The following FAF1 variants were observed in gnomAD, a reference collection of about 807,000 sequenced individuals.
FAF1 encodes FAS-associated factor 1.
A neutral mutation model predicts 92.5 loss-of-function variants in FAF1; 25 were observed. That is an observed-to-expected ratio of 0.27 (90% confidence interval 0.20 to 0.38). FAF1 has a LOEUF of 0.38. Among genes scored for constraint, FAF1 ranks in the 10% least tolerant of loss-of-function variants. The probability of loss-of-function intolerance (pLI) is 1.00; values close to 1 mark genes in which losing one functional copy is unlikely to be tolerated. For synonymous variants in FAF1, 234 were observed against 273.2 expected (o/e 0.86, Z 1.42); for missense variants, 636 against 793.3 (o/e 0.80, Z 2.38).
intron 8 of FAF1, among the ~76,000 whole-genome samples, chr1:50,619,640 T>A (rs1369267224): frequency 6.6e-6 from 1 of 152,176 alleles, no homozygotes; most frequent in Non-Finnish European, 1.5e-5. Context: ...TCTCTCTGTA[T>A]ATGACTTGAC....
intron 1 of FAF1, among the ~76,000 whole-genome samples, chr1:50,945,606 G>T (rs938196025): frequency 2.6e-5 from 4 of 152,158 alleles, no homozygotes; most frequent in Non-Finnish European, 4.4e-5. Flanking sequence ...ATTCCAGTGG[G>T]CTTCATCAGA....
At chr1:50,816,809 T>C (rs1643981829) in intron 2 of FAF1, among the ~76,000 whole-genome samples, 1 of 152,230 alleles carries the variant, frequency 6.6e-6, no homozygotes, top group African/African-American at 2.4e-5. Flanking sequence ...TTCTTATAGT[T>C]TGGGGTCTTA....
At chr1:50,620,418 G>T (rs1373484013) in intron 8 of FAF1, among the ~76,000 whole-genome samples, 1 of 152,102 alleles carries the variant, frequency 6.6e-6, no homozygotes, top group Non-Finnish European at 1.5e-5. Flanking sequence ...AATTCAGTTT[G>T]GTTCTTTCTT....
intron 8 of FAF1, among the ~76,000 whole-genome samples, chr1:50,655,115 G>A (rs148722322): frequency 2.6e-4 from 40 of 151,528 alleles, no homozygotes; most frequent in African/African-American, 9.2e-4. Flanking sequence ...GATTAGAGGC[G>A]GCCGCCAAGT....
At chr1:50,800,926 G>C (rs1661966326) in intron 3 of FAF1, among the ~76,000 whole-genome samples, 1 of 152,134 alleles carries the variant, frequency 6.6e-6, no homozygotes, top group East Asian at 1.9e-4. Context: ...CACTTGGAAG[G>C]GAGAATGGTT....
chr1:50,909,518 G>A (rs1471213558), intron 1 of FAF1, among the ~76,000 whole-genome samples: 1 of 152,186 alleles, frequency 6.6e-6, no homozygotes, highest in African/African-American at 2.4e-5. Flanking sequence ...ACACCAATCA[G>A]ATGCAGATTT....
intron 7 of FAF1, among the ~76,000 whole-genome samples, chr1:50,674,178 C>T (rs1656018047): frequency 1.3e-5 from 2 of 152,290 alleles, no homozygotes; most frequent in South Asian, 4.1e-4. Context: ...GTCTCGAACT[C>T]CTGACCTCCT....
chr1:50,768,033 A>T (rs1221530710), intron 4 of FAF1, among the ~76,000 whole-genome samples: 2 of 152,234 alleles, frequency 1.3e-5, no homozygotes, highest in Non-Finnish European at 2.9e-5. Context: ...ACCCAACTGT[A>T]TGCTGCCAAA....
intron 13 of FAF1, among the ~76,000 whole-genome samples, chr1:50,550,104 C>A (rs1051160487): frequency 2.6e-5 from 4 of 152,014 alleles, no homozygotes; most frequent in Non-Finnish European, 5.9e-5. Context: ...GTAATCCCAG[C>A]ACTTTGGGAG....
intron 18 of FAF1, among the ~76,000 whole-genome samples, chr1:50,466,946 A>G (rs1646504266): frequency 6.6e-6 from 1 of 152,152 alleles, no homozygotes; most frequent in Non-Finnish European, 1.5e-5. Context: ...AAAAAATCCT[A>G]TCTATCTCAG....
At chr1:50,522,296 TGTAA>T (rs1036081094) in intron 15 of FAF1, among the ~76,000 whole-genome samples, 7 of 152,228 alleles carry the variant, frequency 4.6e-5, no homozygotes, top group East Asian at 1.9e-4. Flanking sequence ...ATCAAAAGCC[TGTAA>T]GTGTGTATTC....
At chr1:50,918,386 C>A (rs866356170) in intron 1 of FAF1, among the ~76,000 whole-genome samples, 1,084 of 93,620 alleles carry the variant, frequency 0.012, 28 homozygotes, top group African/African-American at 0.045. Context: ...TATTCCCCTT[C>A]CTGTGTCCAT....
chr1:50,548,746 C>A lies in FAF1; in HGVS notation c.1269-9018G>T, dbSNP rs1343743923. 2.6e-5 allele frequency among the ~76,000 whole-genome samples: 4 copies of A among 152,256 alleles called. No homozygotes were observed. In the East Asian group the frequency reaches 7.7e-4, roughly 29 times the overall value. Reference sequence around the variant, plus strand: ...CACCACCCACTGACTGAAAATGTGACTTAGAAAAGGTATAAAATATCCAAA... The same window carrying A: ...CACCACCCACTGACTGAAAATGTGAATTAGAAAAGGTATAAAATATCCAAA... On this transcript the variant is annotated intron_variant, in intron 13 of 18. Coordinates refer to ENST00000396153, the MANE Select transcript of FAF1 (RefSeq NM_007051.3).
chr1:50,711,922 T>A (rs1486130791), intron 6 of FAF1, among the ~76,000 whole-genome samples: 2 of 152,196 alleles, frequency 1.3e-5, no homozygotes, highest in East Asian at 1.9e-4. Flanking sequence ...TGACTAACAC[T>A]TAACAAGCGC....
At chr1:50,566,790 A>C (rs867214496) in intron 13 of FAF1, among the ~76,000 whole-genome samples, 1 of 152,180 alleles carries the variant, frequency 6.6e-6, no homozygotes, top group South Asian at 2.1e-4. Flanking sequence ...GGTTTCTCTA[A>C]AAGTTCAAAA....
intron 18 of FAF1, among the ~76,000 whole-genome samples, chr1:50,455,633 G>A (rs923795415): frequency 5.3e-5 from 8 of 152,060 alleles, no homozygotes; most frequent in Non-Finnish European, 1.2e-4. Context: ...TATCAGAGCT[G>A]AAAGAAAATT....
At chr1:50,462,063 A>G (rs1337460632) in intron 18 of FAF1, 1 of 148,084 alleles carries the variant, frequency 6.8e-6, no homozygotes, top group African/African-American at 2.5e-5. Flanking sequence ...ATAACATATC[A>G]ATATTTTATA....
At chr1:50,890,661 C>A (rs1320555449) in intron 1 of FAF1, among the ~76,000 whole-genome samples, 1 of 152,148 alleles carries the variant, frequency 6.6e-6, no homozygotes, top group Non-Finnish European at 1.5e-5. Context: ...GTTGAAAATT[C>A]TTTTCTTTGA....
At chr1:50,779,991 G>C (rs75545886) in intron 4 of FAF1, among the ~76,000 whole-genome samples, 2,376 of 145,492 alleles carry the variant, frequency 0.016, 44 homozygotes, top group African/African-American at 0.048. Context: ...CAGACAGACA[G>C]ACACACACAC....
Sources: gnomAD v4.1 joint callset for allele counts (sites outside exome capture counted in the v4.1 genomes callset) on GRCh38, gnomAD v4.1.1 for gene constraint, MANE v1.5 for transcripts, NCBI Gene and HGNC (gene_info 2026-07-23, HGNC 2026-07-21) for gene names.